The following NFKB1 variants were observed in gnomAD, a reference collection of about 807,000 sequenced individuals.
NFKB1 encodes nuclear factor NF-kappa-B p105 subunit.
A neutral mutation model predicts 105.1 loss-of-function variants in NFKB1; 9 were observed. The observed-to-expected ratio is 0.09, with a 90% CI of 0.05 to 0.15. The LOEUF (loss-of-function observed/expected upper bound fraction) is 0.15. Ranked by LOEUF, NFKB1 falls within the 10% of genes least tolerant of loss-of-function variation. NFKB1 has a pLI of 1.00. For synonymous variants in NFKB1, 440 were observed against 442.2 expected, an observed-to-expected ratio of 1.00 and a Z score of 0.06; for missense variants, 830 against 1,203.7, an observed-to-expected ratio of 0.69 and a Z score of 4.59.
intron 6 of NFKB1, among the ~76,000 whole-genome samples, chr4:102,572,224 TA>T (rs964211356): frequency 2.6e-4 from 40 of 151,386 alleles, no homozygotes; most frequent in African/African-American, 9.2e-4. Context: ...CTGAGCAAAC[TA>T]TCGCAAGGAC....
intron 5 of NFKB1, among the ~76,000 whole-genome samples, chr4:102,546,655 G>C (rs367738358): frequency 6.6e-6 from 1 of 152,168 alleles, no homozygotes; most frequent in East Asian, 1.9e-4. Context: ...TGCTGACCTA[G>C]ATAATCAAGA....
At position 102,606,655 on chromosome 4, in the gene NFKB1, C is replaced by T. The variant is rs1235666404; in HGVS notation, c.1912C>T (p.His638Tyr). 1.2e-6 allele frequency: 2 copies of T among 1,614,178 alleles called. No individual in the cohort carries two copies. Among genetic ancestry groups the T allele is most frequent in the Non-Finnish European group, 8.5e-7 (1 of 1,180,028 alleles). ...HDKVLSILLKHKKAALLLDHP... is the reference protein window; with the variant it reads ...HDKVLSILLKYKKAALLLDHP... ...TAAAGTTCTCAGTATCTTACTCAAG[C>T]ACAAAAAGGCAGCACTACTTCTTGA... The change falls in exon 17 of 24, where the codon CAC becomes TAC. Residue 638 changes from histidine to tyrosine, a missense_variant. Physicochemically the swap from His to Tyr is moderately conservative, Grantham distance 83. Transcript: ENST00000226574.
chr4:102,593,703 A>G, intron 12 of NFKB1, 135 bp downstream of exon 12: 1 of 810,660 alleles, frequency 1.2e-6, no homozygotes, highest in Non-Finnish European at 1.7e-6. Flanking sequence ...ATTTCCTGAC[A>G]AATGTAAATT....
intron 5 of NFKB1, 68 bp downstream of exon 5, chr4:102,538,024 A>G: frequency 1.0e-6 from 1 of 967,692 alleles, no homozygotes; most frequent in African/African-American, 1.6e-5. Context: ...TTTCCAAGGA[A>G]TTGCTTTAAA....
At chr4:102,570,015 A>T (rs1278316899) in intron 6 of NFKB1, among the ~76,000 whole-genome samples, 1 of 152,110 alleles carries the variant, frequency 6.6e-6, no homozygotes, top group African/African-American at 2.4e-5. Context: ...GTTTCAACAT[A>T]TTTTAGTTCG....
chr4:102,547,741 A>C (rs1344010166), intron 5 of NFKB1, among the ~76,000 whole-genome samples: 2 of 152,150 alleles, frequency 1.3e-5, no homozygotes, highest in East Asian at 3.9e-4. Flanking sequence ...GGAGCTACAC[A>C]AAACCTTCAC....
intron 11 of NFKB1, among the ~76,000 whole-genome samples, chr4:102,592,761 C>T (rs776851140): frequency 6.6e-6 from 1 of 152,172 alleles, no homozygotes; most frequent in African/African-American, 2.4e-5. Context: ...TACTCCTGTT[C>T]TCAAAAGCAC....
chr4:102,614,973 T>A (rs1728806865), intron 23 of NFKB1, among the ~76,000 whole-genome samples: 1 of 152,084 alleles, frequency 6.6e-6, no homozygotes, highest in South Asian at 2.1e-4. Context: ...GCATCGAGTG[T>A]CATCCTGTCT....
intron 11 of NFKB1, among the ~76,000 whole-genome samples, chr4:102,585,743 A>G (rs528434867): frequency 1.3e-5 from 2 of 152,338 alleles, no homozygotes; most frequent in South Asian, 2.1e-4. Flanking sequence ...AGCAGCCTCC[A>G]AAAAGAAGGC....
chr4:102,524,737 G>A (rs1303489223), intron 1 of NFKB1, among the ~76,000 whole-genome samples: 1 of 152,138 alleles, frequency 6.6e-6, no homozygotes, highest in African/African-American at 2.4e-5. Flanking sequence ...CAGTGACAGT[G>A]ATCATCAGGC....
chr4:102,564,347 A>G (rs1275607363), intron 5 of NFKB1, among the ~76,000 whole-genome samples: 1 of 152,232 alleles, frequency 6.6e-6, no homozygotes, highest in Non-Finnish European at 1.5e-5. Context: ...GGTCTCCCCC[A>G]TGTTAGAGTG....
intron 2 of NFKB1, among the ~76,000 whole-genome samples, chr4:102,528,935 C>A (rs1267196192): frequency 6.6e-6 from 1 of 152,036 alleles, no homozygotes; most frequent in Non-Finnish European, 1.5e-5. Flanking sequence ...CAGCTCTCAT[C>A]TCTTTGCCTT....
intron 5 of NFKB1, among the ~76,000 whole-genome samples, chr4:102,555,045 G>A (rs1273106309): frequency 6.6e-6 from 1 of 152,134 alleles, no homozygotes; most frequent in Non-Finnish European, 1.5e-5. Flanking sequence ...CCAGGGTTAG[G>A]TGTTCCTAAC....
intron 1 of NFKB1, among the ~76,000 whole-genome samples, chr4:102,523,034 T>G (rs543727531): frequency 1.3e-5 from 2 of 152,328 alleles, no homozygotes; most frequent in South Asian, 4.1e-4. Context: ...AGGCATTTAT[T>G]TGCTAATTAA....
intron 1 of NFKB1, among the ~76,000 whole-genome samples, chr4:102,520,639 C>T (rs775393757): frequency 2.6e-5 from 4 of 151,926 alleles, no homozygotes; most frequent in Non-Finnish European, 4.4e-5. Context: ...TGTTGTAGTG[C>T]ACCAAATTGA....
chr4:102,571,066 C>T lies in NFKB1; in HGVS notation c.407+3931C>T, dbSNP rs187264583. On this transcript the variant is annotated intron_variant, in intron 6 of 23. Transcript: ENST00000226574. ...AAAGAACAAAGCTGGAGGCGTCACA[C>T]TACCTGACTTCAAACTATACTACAA... Among the ~76,000 whole-genome samples the T allele has an allele frequency of 4.0e-3, 607 of 152,344 alleles. 2 individuals are homozygous for T. The highest frequency in any genetic ancestry group is 0.015 in the South Asian group (74 of 4,828).
chr4:102,541,804 G>A (rs1742015218), intron 5 of NFKB1, among the ~76,000 whole-genome samples: 1 of 152,178 alleles, frequency 6.6e-6, no homozygotes, highest in Non-Finnish European at 1.5e-5. Context: ...AGGCATTACA[G>A]TAAAATGCCA....
At chr4:102,529,078 A>C (rs182089334) in intron 2 of NFKB1, among the ~76,000 whole-genome samples, 26 of 152,266 alleles carry the variant, frequency 1.7e-4, no homozygotes, top group African/African-American at 6.3e-4. Context: ...TGGACAATTC[A>C]AGACACTCTC....
intron 5 of NFKB1, among the ~76,000 whole-genome samples, chr4:102,565,791 T>C (rs1723817257): frequency 6.6e-6 from 1 of 152,080 alleles, no homozygotes; most frequent in South Asian, 2.1e-4. Context: ...TTGTACAGAT[T>C]TATGCATTTT....
Sources: gnomAD v4.1 joint callset for allele counts (sites outside exome capture counted in the v4.1 genomes callset) on GRCh38, gnomAD v4.1.1 for gene constraint, MANE v1.5 for transcripts, NCBI Gene and HGNC (gene_info 2026-07-23, HGNC 2026-07-21) for gene names.